Variants in GIPC2 observed in about 807,000 individuals in gnomAD.
GIPC2 encodes PDZ domain-containing protein GIPC2.
GIPC2 carries 30 observed loss-of-function variants against 30.6 expected under a neutral mutation model. That is an observed-to-expected ratio of 0.98 (90% CI 0.73 to 1.33). The LOEUF (loss-of-function observed/expected upper bound fraction) is 1.33, where lower values mean the gene tolerates loss of function less well. Ranked by LOEUF, GIPC2 falls within the 40% of genes most tolerant of loss-of-function variation. GIPC2 has a pLI of 0.00. For synonymous variants in GIPC2, 167 were observed against 150.0 expected (o/e 1.11, Z -0.83); for missense variants, 414 against 390.3 (o/e 1.06, Z -0.51).
chr1:78,120,886 C>T (rs952054309), intron 4 of GIPC2, among the ~76,000 whole-genome samples: 2 of 152,082 alleles, frequency 1.3e-5, no homozygotes, highest in Non-Finnish European at 2.9e-5. Context: ...ACAGCCAAAC[C>T]ATATCAGCAC....
chr1:78,046,059 G>T lies in GIPC2; in HGVS notation c.-36G>T, dbSNP rs1661063553. On this transcript the variant is annotated 5_prime_UTR_variant, in exon 1 of 6. Coordinates refer to ENST00000370759, the MANE Select transcript of GIPC2 (RefSeq NM_017655.6). ...CGCCGGGGGGAGGAGGCGGCGGACG[G>T]CAGCGCAGGTGGGCCCGCGCTCTCG... 2.1e-6 allele frequency: 3 copies of T among 1,403,414 alleles called. No individual in the cohort carries two copies. The highest frequency in any genetic ancestry group is 2.8e-6 in the Non-Finnish European group (3 of 1,081,426). The allele number at this position is 1,403,414 out of a possible 1,614,324, so 86.9% of individuals were successfully genotyped here.
intron 2 of GIPC2, among the ~76,000 whole-genome samples, chr1:78,083,533 T>C (rs1247988159): frequency 1.3e-5 from 2 of 152,202 alleles, no homozygotes; most frequent in Non-Finnish European, 2.9e-5. Context: ...TACCCTGTTT[T>C]CTTACTTGCA....
chr1:78,111,476 A>T (rs1356310133), intron 3 of GIPC2, among the ~76,000 whole-genome samples: 2 of 152,224 alleles, frequency 1.3e-5, no homozygotes, highest in African/African-American at 4.8e-5. Flanking sequence ...GGGAGAAATC[A>T]TACTGTTTTA....
chr1:78,082,337 T>G (rs1661845984), intron 2 of GIPC2, among the ~76,000 whole-genome samples: 1 of 152,240 alleles, frequency 6.6e-6, no homozygotes, highest in Non-Finnish European at 1.5e-5. Context: ...CTTGATTTGC[T>G]GATGCATTGT....
At chr1:78,066,845 A>G (rs1229089825) in intron 1 of GIPC2, among the ~76,000 whole-genome samples, 1 of 152,222 alleles carries the variant, frequency 6.6e-6, no homozygotes, top group Non-Finnish European at 1.5e-5. Context: ...GAATGCATGG[A>G]CACATAGAAA....
intron 2 of GIPC2, among the ~76,000 whole-genome samples, chr1:78,086,242 T>C (rs1208906710): frequency 6.6e-6 from 1 of 152,108 alleles, no homozygotes; most frequent in Non-Finnish European, 1.5e-5. Flanking sequence ...GTTTTAGCAA[T>C]TTTCTTGACT....
intron 1 of GIPC2, among the ~76,000 whole-genome samples, chr1:78,072,930 G>C (rs1318064638): frequency 6.6e-6 from 1 of 151,558 alleles, no homozygotes; most frequent in East Asian, 1.9e-4. Flanking sequence ...TCAGCCTCCC[G>C]AGTAGCTGGG....
intron 3 of GIPC2, among the ~76,000 whole-genome samples, chr1:78,104,185 G>A (rs1377719731): frequency 2.0e-5 from 3 of 151,090 alleles, no homozygotes; most frequent in Non-Finnish European, 4.4e-5. Context: ...AGGGGGGAGA[G>A]GGGGCCGGGG....
intron 1 of GIPC2, among the ~76,000 whole-genome samples, chr1:78,065,078 A>G (rs867365377): frequency 2.0e-5 from 3 of 152,030 alleles, no homozygotes; most frequent in African/African-American, 7.2e-5. Context: ...AACTCATGTG[A>G]TCTTCTCGCC....
intron 3 of GIPC2, among the ~76,000 whole-genome samples, 184 bp downstream of exon 3, chr1:78,095,316 A>G (rs747344544): frequency 5.3e-5 from 8 of 152,192 alleles, no homozygotes; most frequent in Non-Finnish European, 1.2e-4. Context: ...AAGGAAGAAA[A>G]AAGAGAAAAT....
In GIPC2 at chr1:78,103,553, G is replaced by C. The variant is rs139549316; in HGVS notation, c.607+8421G>C. ...AGGGTTTTTCAGCTAGGTAAACTGA[G>C]GCTTGGGCAGTTAATTCATTAAGAC... On this transcript the variant is annotated intron_variant, in intron 3 of 5. Coordinates refer to ENST00000370759, the MANE Select transcript of GIPC2 (RefSeq NM_017655.6). 2.3e-4 allele frequency among the ~76,000 whole-genome samples: 35 copies of C among 152,326 alleles called. No individual in the cohort carries two copies. The East Asian group carries it at 6.8e-3, about 29-fold the overall frequency.
upstream of GIPC2, chr1:78,045,052 G>A: frequency 2.0e-6 from 2 of 981,994 alleles, no homozygotes; most frequent in Non-Finnish European, 2.4e-6. Flanking sequence ...GAAGCCAAAA[G>A]AGGACAAAAT....
chr1:78,059,188 AG>A (rs1380627202), intron 1 of GIPC2, among the ~76,000 whole-genome samples: 1 of 152,228 alleles, frequency 6.6e-6, no homozygotes, highest in Non-Finnish European at 1.5e-5. Flanking sequence ...ATTTTAAAAA[AG>A]CTTCCCTGAT....
intron 2 of GIPC2, 106 bp downstream of exon 2, chr1:78,080,966 G>A: frequency 1.9e-6 from 1 of 524,710 alleles, no homozygotes; most frequent in East Asian, 3.2e-5. Flanking sequence ...AGCCCGCTCA[G>A]CAAGGATGCA....
In GIPC2 at chr1:78,119,446, G is replaced by A. The variant is rs1266059912; in HGVS notation, c.661G>A (p.Gly221Arg). 2 of 1,613,452 alleles carry A rather than the reference G, an allele frequency of 1.2e-6. No individual in the cohort carries two copies. The highest frequency in any genetic ancestry group is 1.7e-6 in the Non-Finnish European group (2 of 1,179,468). Reference sequence around the variant, plus strand: ...GTCATCAGGAGAAAAAATTGGTTGTGGAAGGGCAACACTTCGCCTGAGATC... The same window carrying A: ...GTCATCAGGAGAAAAAATTGGTTGTAGAAGGGCAACACTTCGCCTGAGATC... ...GKSSGEKIGC[G>R]RATLRLRSKG... Residue 221 changes from glycine (G) to arginine (R), a missense_variant, in exon 4 of 6, where the codon GGA (glycine) becomes AGA (arginine). Transcript: ENST00000370759.
At chr1:78,051,508 C>CT (rs922278660) in intron 1 of GIPC2, among the ~76,000 whole-genome samples, 51 of 149,334 alleles carry the variant, frequency 3.4e-4, no homozygotes, top group African/African-American at 1.2e-3. Flanking sequence ...AAGTGTTATT[C>CT]TTTTTTTTTT....
At chr1:78,045,083 A>T (rs1308241684), upstream of GIPC2, 17 of 983,582 alleles carry the variant, frequency 1.7e-5, no homozygotes, top group African/African-American at 1.7e-5. Flanking sequence ...TGAAATGGGC[A>T]ACGCAGACCA....
At chr1:78,064,895 C>T (rs1327506394) in intron 1 of GIPC2, among the ~76,000 whole-genome samples, 2 of 152,048 alleles carry the variant, frequency 1.3e-5, no homozygotes, top group African/African-American at 4.8e-5. Context: ...AGGCACATGC[C>T]AGTACCCTTG....
chr1:78,116,528 C>T (rs1662569873), intron 3 of GIPC2, among the ~76,000 whole-genome samples: 1 of 151,980 alleles, frequency 6.6e-6, no homozygotes, highest in South Asian at 2.1e-4. Context: ...ACAACAGGCC[C>T]CGGTGTGTGA....
Sources: gnomAD v4.1 joint callset for allele counts (sites outside exome capture counted in the v4.1 genomes callset) on GRCh38, gnomAD v4.1.1 for gene constraint, MANE v1.5 for transcripts, NCBI Gene and HGNC (gene_info 2026-07-23, HGNC 2026-07-21) for gene names.